Variants in ANO10 observed in about 807,000 individuals in gnomAD.
The protein encoded by ANO10 is anoctamin 10.
Under a neutral mutation model 74.7 loss-of-function variants are expected in ANO10, and 77 were observed. The observed-to-expected ratio is 1.03, with a 90% confidence interval of 0.86 to 1.25. The LOEUF (loss-of-function observed/expected upper bound fraction) is 1.25, where lower values mean the gene tolerates loss of function less well. Among genes scored for constraint, ANO10 ranks in the 50% most tolerant of loss-of-function variants. ANO10 has a pLI of 0.00. For synonymous variants in ANO10, 279 were observed against 284.9 expected, an observed-to-expected ratio of 0.98 and a Z score of 0.21; for missense variants, 721 against 778.1, an observed-to-expected ratio of 0.93 and a Z score of 0.87.
intron 11 of ANO10, among the ~76,000 whole-genome samples, chr3:43,523,868 G>C (rs540217887): frequency 6.6e-6 from 1 of 152,158 alleles, no homozygotes; most frequent in African/African-American, 2.4e-5. Flanking sequence ...CTCATCCAGG[G>C]ACTACAGTGG....
At chr3:43,588,537 T>C (rs2081580176) in intron 4 of ANO10, among the ~76,000 whole-genome samples, 1 of 146,594 alleles carries the variant, frequency 6.8e-6, no homozygotes, top group African/African-American at 2.5e-5. Flanking sequence ...ACTTAGTAAA[T>C]ATTTTACTTA....
intron 1 of ANO10, among the ~76,000 whole-genome samples, chr3:43,638,461 A>G (rs112708827): frequency 1.2e-4 from 18 of 152,364 alleles, no homozygotes; most frequent in African/African-American, 4.3e-4. Flanking sequence ...ATAAATGCAT[A>G]TAATGTTGGC....
chr3:43,682,637 A>T (rs1338701792), intron 1 of ANO10, among the ~76,000 whole-genome samples: 4 of 152,124 alleles, frequency 2.6e-5, no homozygotes, highest in Non-Finnish European at 4.4e-5. Flanking sequence ...AAAAAGAGAA[A>T]TTTAGACCAA....
chr3:43,584,697 C>T (rs1440213367), intron 4 of ANO10, among the ~76,000 whole-genome samples: 1 of 152,166 alleles, frequency 6.6e-6, no homozygotes, highest in African/African-American at 2.4e-5. Flanking sequence ...ACCTACAATG[C>T]ACATCTCACA....
intron 11 of ANO10, chr3:43,485,003 A>G: frequency 1.6e-5 from 24 of 1,461,268 alleles, no homozygotes; most frequent in Non-Finnish European, 2.2e-5. Context: ...CTTGGTGGTG[A>G]GGCGTGGCTT....
intron 4 of ANO10, among the ~76,000 whole-genome samples, chr3:43,591,035 C>T (rs371568892): frequency 2.0e-5 from 3 of 152,194 alleles, no homozygotes; most frequent in Admixed American, 6.5e-5. Flanking sequence ...GGACAATGAT[C>T]GGGATATAAA....
At chr3:43,612,971 C>A (rs1349042771) in intron 1 of ANO10, among the ~76,000 whole-genome samples, 3 of 152,122 alleles carry the variant, frequency 2.0e-5, no homozygotes, top group Non-Finnish European at 2.9e-5. Context: ...AGTTCGAGAC[C>A]AGCCTGGCCA....
intron 10 of ANO10, chr3:43,551,375 T>A: frequency 2.8e-6 from 1 of 355,564 alleles, no homozygotes; most frequent in East Asian, 8.2e-5. Context: ...ACTTTCAGGT[T>A]TTTTTTAAAA....
intron 12 of ANO10, among the ~76,000 whole-genome samples, chr3:43,431,780 T>C (rs1405305504): frequency 1.3e-5 from 2 of 152,244 alleles, no homozygotes; most frequent in Non-Finnish European, 1.5e-5. Context: ...GGGGTTCTCC[T>C]GTCCGGCGCA....
chr3:43,367,808 C>A (rs58158782), intron 12 of ANO10, among the ~76,000 whole-genome samples: 3,918 of 152,250 alleles, frequency 0.026, 174 homozygotes, highest in African/African-American at 0.087. Flanking sequence ...AACTATAATA[C>A]TGTGGAAGTT....
At chr3:43,376,646 G>A (rs2091817210) in intron 12 of ANO10, among the ~76,000 whole-genome samples, 1 of 152,138 alleles carries the variant, frequency 6.6e-6, no homozygotes, top group Non-Finnish European at 1.5e-5. Context: ...GACAATGAAG[G>A]TGACACCAAT....
chr3:43,608,970 T>C (rs1324093957), intron 1 of ANO10, among the ~76,000 whole-genome samples: 3 of 152,172 alleles, frequency 2.0e-5, no homozygotes, highest in African/African-American at 7.2e-5. Context: ...GCTTTTGTAA[T>C]ATAGGAACTC....
Position 43,555,489 on chromosome 3 carries a change from T to G in ANO10, c.1477-20A>C, listed in dbSNP as rs756956357. On this transcript the variant is annotated intron_variant, in intron 9 of 12. Coordinates refer to ENST00000292246, the MANE Select transcript of ANO10 (RefSeq NM_018075.5). The stretch of plus-strand genomic sequence containing the variant: ...GGTGCCCTGAAAATATAAACAAGCA[T>G]GCATTATTTTAATATCATACAATAG... The G allele has an allele frequency of 6.8e-6, 11 of 1,609,164 alleles. No individual in the cohort carries two copies. The highest frequency in any genetic ancestry group is 2.7e-5 in the African/African-American group (2 of 74,812).
intron 12 of ANO10, among the ~76,000 whole-genome samples, chr3:43,378,189 C>T (rs1456664422): frequency 1.3e-5 from 2 of 152,188 alleles, no homozygotes; most frequent in African/African-American, 4.8e-5. Context: ...TCTAAGAAAA[C>T]ACTGCCAGTG....
At chr3:43,371,921 A>G (rs990626481) in intron 12 of ANO10, among the ~76,000 whole-genome samples, 9 of 152,174 alleles carry the variant, frequency 5.9e-5, no homozygotes, top group Non-Finnish European at 1.2e-4. Context: ...ATAATGATTA[A>G]AAAGTCCAAG....
At chr3:43,431,800 G>C (rs1016034474) in intron 12 of ANO10, among the ~76,000 whole-genome samples, 2 of 152,012 alleles carry the variant, frequency 1.3e-5, no homozygotes, top group Non-Finnish European at 2.9e-5. Flanking sequence ...ACTACCCTTG[G>C]AGCCCTCAGG....
chr3:43,584,469 G>A (rs999798126), intron 4 of ANO10, among the ~76,000 whole-genome samples: 1 of 152,186 alleles, frequency 6.6e-6, no homozygotes, highest in African/African-American at 2.4e-5. Context: ...AGCCGACCAC[G>A]CAGCTGTGTA....
chr3:43,480,459 G>C (rs979168666), intron 11 of ANO10, among the ~76,000 whole-genome samples: 2 of 152,170 alleles, frequency 1.3e-5, no homozygotes, highest in Non-Finnish European at 2.9e-5. Context: ...AACAGACCCC[G>C]TGTAAAGGAT....
intron 11 of ANO10, among the ~76,000 whole-genome samples, chr3:43,511,332 C>T (rs1310725885): frequency 2.0e-5 from 3 of 152,098 alleles, no homozygotes; most frequent in Non-Finnish European, 4.4e-5. Context: ...ATTGACTTCA[C>T]AATATCTGCA....
Sources: allele counts gnomAD v4.1 joint callset (sites outside exome capture counted in the v4.1 genomes callset), GRCh38; gene constraint gnomAD v4.1.1; transcripts MANE v1.5; gene names NCBI Gene and HGNC (gene_info 2026-07-23, HGNC 2026-07-21).